Variants in EEA1 observed in about 807,000 individuals in gnomAD.
The protein encoded by EEA1 is early endosome antigen 1.
In EEA1, 111 loss-of-function variants were observed where a neutral mutation model predicts 209.2. That is an observed-to-expected ratio of 0.53 (90% CI 0.45 to 0.62). The LOEUF (loss-of-function observed/expected upper bound fraction) is 0.62. EEA1 is among the 20% of genes least tolerant of loss of function. EEA1 has a pLI of 0.00. For missense variants in EEA1, 1,343 were observed against 1,530.8 expected (o/e 0.88, Z 2.05); for synonymous variants, 536 against 540.6 (o/e 0.99, Z 0.12).
At position 92,801,664 on chromosome 12, in the gene EEA1, A is replaced by G; in HGVS notation, c.2708T>C (p.Val903Ala). 1 of 1,597,938 alleles carries G rather than the reference A, an allele frequency of 6.3e-7. No individual in the cohort carries two copies. Among genetic ancestry groups the G allele is most frequent in the African/African-American group, 1.3e-5 (1 of 74,158 alleles). ...TCKELKHQLQ[V>A]QMENTLKEQK... ...TTCCTTAAGTGTGTTTTCCATCTGC[A>G]CTTGAAGTTGATGCTTTAATTCTTT... is the stretch of plus-strand genomic sequence containing the variant. The change falls in exon 20 of 29, where the codon GTG becomes GCG. Residue 903 changes from valine to alanine, a missense_variant. By Grantham distance (64) the Val-to-Ala change is moderately conservative. Around this residue, in one of 3 missense-constraint regions of EEA1, gnomAD observed 1,307 missense variants for 1,465.5 expected, o/e 0.89. Coordinates refer to ENST00000322349, the MANE Select transcript of EEA1 (RefSeq NM_003566.4).
At chr12:92,851,475 G>A (rs532779969) in intron 8 of EEA1, among the ~76,000 whole-genome samples, 1 of 152,130 alleles carries the variant, frequency 6.6e-6, no homozygotes, top group South Asian at 2.1e-4. Context: ...TAATACTCAA[G>A]GTGCTGTATA....
In EEA1 at chr12:92,777,523, C is replaced by T. The variant is rs1446007280; in HGVS notation, c.4014+20G>A. On this transcript the variant is annotated intron_variant, in intron 27 of 28. Transcript: ENST00000322349. ...CCAATTCTAGACTAAAAAACTGCTT[C>T]ATATCCATAGGTGACTGACCTGAAG... 9.4e-6 allele frequency: 15 copies of T among 1,592,662 alleles called. No individual in the cohort carries two copies. The highest frequency in any genetic ancestry group is 2.7e-5 in the African/African-American group (2 of 73,824).
chr12:92,912,743 C>A lies in EEA1; in HGVS notation c.24+16300G>T, dbSNP rs574105742. The stretch of plus-strand genomic sequence containing the variant: ...CACCCTTTCCCCATTTCCATCTTTA[C>A]GTCTATCTGTATCCATTGTCTAGCT... On this transcript the variant is annotated intron_variant, in intron 1 of 28. Transcript: ENST00000322349. Among the ~76,000 whole-genome samples, 5 of 152,210 alleles carry A rather than the reference C, an allele frequency of 3.3e-5. No individual in the cohort carries two copies. The South Asian group carries it at 6.2e-4, about 19-fold the overall frequency.
Position 92,853,927 on chromosome 12 carries a change from C to T in EEA1, c.394G>A (p.Asp132Asn), listed in dbSNP as rs1877747436. The T allele has an allele frequency of 6.2e-7, 1 of 1,600,042 alleles. No individual in the cohort carries two copies. The highest frequency in any genetic ancestry group is 1.1e-5 in the South Asian group (1 of 87,972). Reference protein sequence around the residue: ...QEAKPDGLVTDSSAELQSLEQ... With the variant: ...QEAKPDGLVTNSSAELQSLEQ... ...TAAGTAAAGTTACCTGCTGATGAAT[C>T]AGTCACCAACCCATCAGGTTTGGCC... The change falls in exon 6 of 29, where the codon GAT (aspartate) becomes AAT (asparagine). Residue 132 changes from aspartate (D) to asparagine (N), a missense_variant. Coordinates refer to ENST00000322349, the MANE Select transcript of EEA1 (RefSeq NM_003566.4).
chr12:92,896,292 A>G (rs1879884451), intron 1 of EEA1, among the ~76,000 whole-genome samples: 1 of 152,202 alleles, frequency 6.6e-6, no homozygotes, highest in Admixed American at 6.5e-5. Flanking sequence ...TTTTCACAAT[A>G]AAACTTTAAT....
Position 92,773,287 on chromosome 12 carries a change from T to C in EEA1, c.*2724A>G, listed in dbSNP as rs1241914057. On this transcript the variant is annotated 3_prime_UTR_variant, in exon 29 of 29. Transcript: ENST00000322349. ...TGGCTTTAAAGTTCTCAAAACTATATAAAATAATCATAAAGACTTTTTTAA... is the reference window on the plus strand; with the variant it reads ...TGGCTTTAAAGTTCTCAAAACTATACAAAATAATCATAAAGACTTTTTTAA... 1 of 152,214 alleles carries C rather than the reference T, an allele frequency of 6.6e-6. No homozygotes were observed. The highest frequency in any genetic ancestry group is 1.5e-5 in the Non-Finnish European group (1 of 67,732). The allele number at this position is 152,214 out of a possible 1,614,324, so 9.4% of individuals were successfully genotyped here.
At chr12:92,810,858 C>T (rs911018028) in intron 17 of EEA1, among the ~76,000 whole-genome samples, 8 of 151,804 alleles carry the variant, frequency 5.3e-5, no homozygotes, top group Non-Finnish European at 8.8e-5. Context: ...AAGCAAAATC[C>T]AAAGGGTATA....
In EEA1 at chr12:92,851,192, G is replaced by A; in HGVS notation, c.717C>T (p.Asn239=). 6.2e-7 allele frequency: 1 copy of A among 1,613,948 alleles called. No homozygotes were observed. The highest frequency in any genetic ancestry group is 1.3e-5 in the African/African-American group (1 of 75,038). The change falls in exon 9 of 29, where the codon AAC becomes AAT. Residue 239 remains asparagine, a synonymous_variant. Transcript: ENST00000322349. ...ATTCTCGCTCACGTTCCAAGGTCAT[G>A]TTATCCATTAGTGTTTGAACTTGGA... ...ELVQVQTLMD[N]MTLERERESE...
chr12:92,801,029 G>A (rs1208724096), intron 20 of EEA1, among the ~76,000 whole-genome samples: 3 of 152,146 alleles, frequency 2.0e-5, no homozygotes, highest in Admixed American at 6.5e-5. Flanking sequence ...AGCAGGTATG[G>A]CTTCAGAGAG....
chr12:92,901,449 C>A (rs534344026), intron 1 of EEA1, among the ~76,000 whole-genome samples: 66 of 152,150 alleles, frequency 4.3e-4, no homozygotes, highest in African/African-American at 1.5e-3. Context: ...TAAGTAAAGC[C>A]CAAGAGGCAT....
In EEA1 at chr12:92,845,370, T is replaced by C. The variant is rs151085914; in HGVS notation, c.799-2789A>G. On this transcript the variant is annotated intron_variant, in intron 9 of 28. Transcript: ENST00000322349. ...CAATAATCACATATTATGTTTATATTTGGGGAAAAAATAAAGATTAAAGAC... is the reference window on the plus strand; with the variant it reads ...CAATAATCACATATTATGTTTATATCTGGGGAAAAAATAAAGATTAAAGAC... Among the ~76,000 whole-genome samples the C allele has an allele frequency of 2.7e-3, 418 of 152,194 alleles. 4 individuals are homozygous for C. Among genetic ancestry groups the C allele is most frequent in the Non-Finnish European group, 1.1e-3 (73 of 67,982 alleles).
In EEA1 at chr12:92,806,197, T is replaced by C. The variant is rs190413583; in HGVS notation, c.2339+2820A>G. Among the ~76,000 whole-genome samples the C allele has an allele frequency of 4.6e-5, 7 of 152,192 alleles. No homozygotes were observed. In the East Asian group the frequency reaches 1.3e-3, roughly 29 times the overall value. ...CAATAAAGAGGAGAAATAAATAAGA[T>C]AGAAAACTGACAAAATAAATCAAAA... is the stretch of plus-strand genomic sequence containing the variant. On this transcript the variant is annotated intron_variant, in intron 18 of 28. Coordinates refer to ENST00000322349, the MANE Select transcript of EEA1 (RefSeq NM_003566.4).
intron 1 of EEA1, among the ~76,000 whole-genome samples, chr12:92,926,250 C>T (rs1168655314): frequency 6.6e-6 from 1 of 151,692 alleles, no homozygotes; most frequent in African/African-American, 2.4e-5. Context: ...GTCTCGGCCT[C>T]CCAAAGTGCT....
At chr12:92,821,883 A>G (rs989858829) in intron 13 of EEA1, among the ~76,000 whole-genome samples, 3 of 150,008 alleles carry the variant, frequency 2.0e-5, no homozygotes, top group African/African-American at 7.3e-5. Context: ...ATAAATCTAT[A>G]TTATTATAAA....
At chr12:92,842,190 C>T (rs146913928) in intron 10 of EEA1, among the ~76,000 whole-genome samples, 1 of 151,734 alleles carries the variant, frequency 6.6e-6, no homozygotes, top group African/African-American at 2.4e-5. Context: ...TATGAGGCAC[C>T]TAGGGTAGTC....
intron 9 of EEA1, among the ~76,000 whole-genome samples, chr12:92,850,548 A>G (rs11106714): frequency 0.28 from 43,014 of 151,470 alleles, 6,532 homozygotes; most frequent in Non-Finnish European, 0.32. Context: ...AAATTAGCCA[A>G]GCGTGGTGGC....
At position 92,780,362 on chromosome 12, in the gene EEA1, A is replaced by G. The variant is rs748721057; in HGVS notation, c.3386T>C (p.Ile1129Thr). 6 of 1,592,936 alleles carry G rather than the reference A, an allele frequency of 3.8e-6. No individual in the cohort carries two copies. Among genetic ancestry groups the G allele is most frequent in the Admixed American group, 1.7e-5 (1 of 57,602 alleles). Reference sequence around the variant, plus strand: ...TTCTTGTCTACATTTAATTTCTTCTATCTCTGCCAATTTAGACTTCTCATT... The same window carrying G: ...TTCTTGTCTACATTTAATTTCTTCTGTCTCTGCCAATTTAGACTTCTCATT... The part of the protein sequence containing the change: ...LVNEKSKLAE[I>T]EEIKCRQEKE... Residue 1129 changes from isoleucine (I) to threonine (T), a missense_variant, in exon 24 of 29, where the codon ATA becomes ACA. By Grantham distance (89) the Ile-to-Thr change is moderately conservative. Coordinates refer to ENST00000322349, the MANE Select transcript of EEA1 (RefSeq NM_003566.4).
chr12:92,834,613 A>G (rs1012174870), intron 10 of EEA1, among the ~76,000 whole-genome samples: 1 of 151,836 alleles, frequency 6.6e-6, no homozygotes, highest in African/African-American at 2.4e-5. Context: ...AAAAGTAAGA[A>G]GAGCAACCAT....
intron 14 of EEA1, among the ~76,000 whole-genome samples, chr12:92,817,331 T>C (rs1293116218): frequency 1.3e-5 from 2 of 152,046 alleles, no homozygotes; most frequent in Non-Finnish European, 2.9e-5. Context: ...GTTATTTTTG[T>C]TTTATCTCTA....
Sources: gnomAD v4.1 joint callset for allele counts (sites outside exome capture counted in the v4.1 genomes callset) on GRCh38, gnomAD v4.1.1 for gene constraint, gnomAD v4.1.1 regional missense constraint, MANE v1.5 for transcripts, NCBI Gene and HGNC (gene_info 2026-07-23, HGNC 2026-07-21) for gene names.